The following REV3L variants were observed in gnomAD, a reference collection of about 807,000 sequenced individuals.
REV3L encodes the protein DNA polymerase zeta catalytic subunit.
A neutral mutation model predicts 299.4 loss-of-function variants in REV3L; 69 were observed. The observed-to-expected ratio is 0.23, with a 90% confidence interval of 0.19 to 0.28. The LOEUF (loss-of-function observed/expected upper bound fraction) is 0.28, where lower values mean the gene tolerates loss of function less well. Ranked by LOEUF, REV3L falls within the 10% of genes least tolerant of loss-of-function variation. The pLI, the probability that REV3L is intolerant of heterozygous loss-of-function variation, is 1.00. For synonymous variants in REV3L, 1,238 were observed against 1,271.4 expected (o/e 0.97, Z 0.56); for missense variants, 3,128 against 3,693.8 (o/e 0.85, Z 3.97).
At chr6:111,338,311 CCTTTTTTTTTTTTTTTTTTTTT>C (rs1776124652) in intron 21 of REV3L, among the ~76,000 whole-genome samples, 1 of 49,034 alleles carries the variant, frequency 2.0e-5, no homozygotes. Context: ...AGTCTAAAGT[CCTTTTTTTTTTTTTTTTTTTTT>C]TTTTTTTTTT....
chr6:111,422,596 A>G (rs1785526055), intron 1 of REV3L, among the ~76,000 whole-genome samples: 1 of 21,428 alleles, frequency 4.7e-5, no homozygotes, highest in African/African-American at 1.3e-4. Flanking sequence ...ATATATATAC[A>G]CATATATATA....
At chr6:111,337,512 T>C (rs1776035144) in intron 21 of REV3L, among the ~76,000 whole-genome samples, 1 of 152,192 alleles carries the variant, frequency 6.6e-6, no homozygotes, top group Admixed American at 6.5e-5. Flanking sequence ...AGCTAAGTCT[T>C]TATACAGATG....
chr6:111,482,655 C>G, intron 1 of REV3L, 95 bp downstream of exon 1: 1 of 760,020 alleles, frequency 1.3e-6, no homozygotes, highest in Non-Finnish European at 1.7e-6. Context: ...CGGAGACGGC[C>G]GGCGCCGGTG....
At chr6:111,408,567 G>A (rs1448558384) in intron 3 of REV3L, among the ~76,000 whole-genome samples, 1 of 151,978 alleles carries the variant, frequency 6.6e-6, no homozygotes, top group East Asian at 1.9e-4. Flanking sequence ...TGGTGCCACT[G>A]CACCCCAGCC....
At chr6:111,464,992 A>ACTCCAT (rs1791262440) in intron 1 of REV3L, among the ~76,000 whole-genome samples, 1 of 151,794 alleles carries the variant, frequency 6.6e-6, no homozygotes, top group South Asian at 2.1e-4. Flanking sequence ...ACAGAGCAAG[A>ACTCCAT]CTCCATCTCA....
chr6:111,353,488 T>C (rs1284713880), intron 18 of REV3L, among the ~76,000 whole-genome samples: 1 of 152,200 alleles, frequency 6.6e-6, no homozygotes, highest in Non-Finnish European at 1.5e-5. Context: ...TGAAAGTACA[T>C]TCTGTAGTAT....
chr6:111,300,027 C>CTAA lies in REV3L; in HGVS notation c.9379_9381dup (p.Leu3127dup). ...GTGATATTGACAATTTAAAACTGGT[C>CTAA]TAATAACTGCCGGAGATATGGTGCC... On this transcript the variant is annotated inframe_insertion, in exon 32 of 32. Coordinates refer to ENST00000368802, the MANE Select transcript of REV3L (RefSeq NM_001372078.1). The CTAA allele has an allele frequency of 6.2e-7, 1 of 1,612,542 alleles. No homozygotes were observed. The highest frequency in any genetic ancestry group is 1.1e-5 in the South Asian group (1 of 90,690).
At chr6:111,329,835 G>A in intron 24 of REV3L, 97 bp from the exon 25 acceptor site, 1 of 867,908 alleles carries the variant, frequency 1.2e-6, no homozygotes, top group Non-Finnish European at 1.8e-6. Flanking sequence ...CAACTGTCAG[G>A]AATTGAAACA....
At chr6:111,401,274 A>C (rs1191703259) in intron 4 of REV3L, among the ~76,000 whole-genome samples, 1 of 152,234 alleles carries the variant, frequency 6.6e-6, no homozygotes, top group Non-Finnish European at 1.5e-5. Context: ...ACCTTCACAA[A>C]GATGGGAGAA....
rs765756383 is a variant in REV3L, at chr6:111,403,773, T to C, written c.565+1697A>G. 5.7e-4 allele frequency among the ~76,000 whole-genome samples: 87 copies of C among 152,104 alleles called. 2 individuals are homozygous for C. The highest frequency in any genetic ancestry group is 2.1e-4 in the South Asian group (1 of 4,822). ...ATGTCTCTCACTTTAAATCAAAAAC[T>C]AAAAATGATTAAGCTTACCAAGGAA... On this transcript the variant is annotated intron_variant, in intron 4 of 31. Transcript: ENST00000368802.
chr6:111,382,193 C>G (rs1780900432), intron 9 of REV3L, among the ~76,000 whole-genome samples: 1 of 152,124 alleles, frequency 6.6e-6, no homozygotes, highest in Admixed American at 6.6e-5. Flanking sequence ...TTGCCGTCCC[C>G]TGAAGGAACA....
Position 111,416,206 on chromosome 6 carries a change from T to C in REV3L, c.329+77A>G, listed in dbSNP as rs981025159. On this transcript the variant is annotated intron_variant, in intron 2 of 31. Coordinates refer to ENST00000368802, the MANE Select transcript of REV3L (RefSeq NM_001372078.1). The stretch of plus-strand genomic sequence containing the variant: ...GACTAGAAGTAAAAGAAATAGAGTT[T>C]ATCAACTGAGTATGTTTTCCTCTAA... 3.3e-5 allele frequency: 33 copies of C among 993,550 alleles called. No homozygotes were observed. The African/African-American group carries it at 5.2e-4, about 16-fold the overall frequency. The allele number at this position is 993,550 out of a possible 1,614,324, so 61.5% of individuals were successfully genotyped here. A position where few individuals can be genotyped will look rare whatever the true frequency, so the allele number is the denominator to read the frequency against.
rs2031110 is a variant in REV3L, at chr6:111,468,885, C to T, written c.139+13865G>A. Among the ~76,000 whole-genome samples, 559 of 152,188 alleles carry T rather than the reference C, an allele frequency of 3.7e-3. 5 individuals are homozygous for T. The highest frequency in any genetic ancestry group is 0.013 in the African/African-American group (525 of 41,528). ...TTAAAAACTTGGATGACTGGTCGGGCGTAGTGGCTCATGCCTGTAATCTCA... is the reference window on the plus strand; with the variant it reads ...TTAAAAACTTGGATGACTGGTCGGGTGTAGTGGCTCATGCCTGTAATCTCA... On this transcript the variant is annotated intron_variant, in intron 1 of 31. Coordinates refer to ENST00000368802, the MANE Select transcript of REV3L (RefSeq NM_001372078.1).
intron 1 of REV3L, among the ~76,000 whole-genome samples, chr6:111,443,834 T>G (rs1788546531): frequency 6.6e-6 from 1 of 152,226 alleles, no homozygotes; most frequent in Admixed American, 6.5e-5. Context: ...TTTATTCATT[T>G]CATGAAGGAA....
chr6:111,372,999 C>G lies in REV3L; in HGVS notation c.5356G>C (p.Val1786Leu). Residue 1786 changes from valine to leucine, a missense_variant, in exon 13 of 32, where the codon GTG (valine) becomes CTG (leucine). Val to Leu is a conservative substitution (Grantham distance 32). Around this residue, in one of 9 missense-constraint regions of REV3L, gnomAD observed 2,409 missense variants for 2,611.8 expected, o/e 0.92. Transcript: ENST00000368802. ...RLNRSSVSKEVFLSLPQPNNS... is the reference protein window; with the variant it reads ...RLNRSSVSKELFLSLPQPNNS... ...TTTGGCTGTGGGAGGCTAAGAAACA[C>G]TTCTTTGCTTACTGAACTCCTATTC... 1 of 1,614,098 alleles carries G rather than the reference C, an allele frequency of 6.2e-7. No homozygotes were observed. The highest frequency in any genetic ancestry group is 8.5e-7 in the Non-Finnish European group (1 of 1,179,986).
intron 6 of REV3L, 142 bp downstream of exon 6, chr6:111,389,944 G>A (rs867710021): frequency 1.7e-4 from 85 of 510,302 alleles, no homozygotes; most frequent in South Asian, 6.2e-4. Context: ...TCACCATGTT[G>A]GCCAGGATGG....
chr6:111,384,718 T>G (rs572450289), intron 9 of REV3L, among the ~76,000 whole-genome samples: 2 of 152,160 alleles, frequency 1.3e-5, no homozygotes, highest in Admixed American at 6.5e-5. Flanking sequence ...AGAACTACCA[T>G]ATAATCCAGC....
At chr6:111,322,489 A>G (rs1175448812) in intron 26 of REV3L, 80 bp downstream of exon 26, 2 of 1,025,966 alleles carry the variant, frequency 1.9e-6, no homozygotes, top group Non-Finnish European at 1.5e-6. Context: ...TTTAGAAAAG[A>G]TTCCCTTAAG....
intron 24 of REV3L, 25 bp downstream of exon 24, chr6:111,331,651 T>A (rs1775386349): frequency 6.7e-7 from 1 of 1,489,376 alleles, no homozygotes; most frequent in Admixed American, 1.7e-5. Context: ...ATAGTTGTTA[T>A]CTTTCATTTA....
Sources: allele counts gnomAD v4.1 joint callset (sites outside exome capture counted in the v4.1 genomes callset), GRCh38; gene constraint gnomAD v4.1.1; regional missense constraint gnomAD v4.1.1; transcripts MANE v1.5; gene names NCBI Gene and HGNC (gene_info 2026-07-23, HGNC 2026-07-21).